The following SLC2A13 variants were observed in gnomAD, a reference collection of about 807,000 sequenced individuals.
SLC2A13 encodes proton myo-inositol cotransporter.
In SLC2A13, 32 loss-of-function variants were observed where a neutral mutation model predicts 64.4. The ratio of observed to expected loss-of-function variants is 0.50; its 90% CI spans 0.37 to 0.67. The LOEUF is 0.67. Among genes scored for constraint, SLC2A13 ranks in the 30% least tolerant of loss-of-function variants. The pLI is 0.00. For synonymous variants in SLC2A13, 338 were observed against 327.1 expected (o/e 1.03, Z -0.36); for missense variants, 743 against 829.2 (o/e 0.90, Z 1.28).
At chr12:39,896,330 A>G (rs187914880) in intron 4 of SLC2A13, among the ~76,000 whole-genome samples, 7 of 141,310 alleles carry the variant, frequency 5.0e-5, no homozygotes, top group South Asian at 2.2e-4. Context: ...GTATATGTGT[A>G]TATATGTATA....
intron 7 of SLC2A13, among the ~76,000 whole-genome samples, chr12:39,780,239 TAC>T (rs1198342197): frequency 6.6e-6 from 1 of 152,214 alleles, no homozygotes; most frequent in African/African-American, 2.4e-5. Flanking sequence ...TCCCCAAGAT[TAC>T]ACAGTGACAG....
At position 40,019,489 on chromosome 12, in the gene SLC2A13, T is replaced by G. The variant is rs575404422; in HGVS notation, c.925+8812A>C. Among the ~76,000 whole-genome samples, 33 of 152,300 alleles carry G rather than the reference T, an allele frequency of 2.2e-4. No homozygotes were observed. In the South Asian group the frequency reaches 5.0e-3, roughly 23 times the overall value. On this transcript the variant is annotated intron_variant, in intron 3 of 9. Transcript: ENST00000280871. ...GGGGCCCAGATCCCGCCTCCTTCACTTCCTAGCTGTTTGCCCTTGCCAGCA... is the reference window on the plus strand; with the variant it reads ...GGGGCCCAGATCCCGCCTCCTTCACGTCCTAGCTGTTTGCCCTTGCCAGCA...
chr12:39,953,053 T>G (rs1288856938), intron 3 of SLC2A13, among the ~76,000 whole-genome samples: 1 of 152,156 alleles, frequency 6.6e-6, no homozygotes, highest in African/African-American at 2.4e-5. Flanking sequence ...GATGAGAAAT[T>G]AGTTTTTCCT....
intron 7 of SLC2A13, among the ~76,000 whole-genome samples, chr12:39,780,069 T>C (rs1940924443): frequency 6.6e-6 from 1 of 152,244 alleles, no homozygotes; most frequent in South Asian, 2.1e-4. Context: ...TGAGTAGATG[T>C]AAATTCCTCA....
intron 3 of SLC2A13, among the ~76,000 whole-genome samples, chr12:39,983,879 C>G (rs1321731395): frequency 6.9e-6 from 1 of 143,892 alleles, no homozygotes; most frequent in Non-Finnish European, 1.5e-5. Context: ...CACATGCACA[C>G]GTATGTTTAT....
intron 3 of SLC2A13, among the ~76,000 whole-genome samples, chr12:39,970,580 G>A (rs1946629422): frequency 6.6e-6 from 1 of 151,926 alleles, no homozygotes; most frequent in African/African-American, 2.4e-5. Context: ...CTTAATGCAG[G>A]CCATCTCCAA....
chr12:39,960,462 C>A (rs1162434926), intron 3 of SLC2A13, among the ~76,000 whole-genome samples: 2 of 152,180 alleles, frequency 1.3e-5, no homozygotes, highest in Non-Finnish European at 2.9e-5. Context: ...CTCACTGCAA[C>A]CTCTGCCTTC....
chr12:39,764,754 A>G lies in SLC2A13; in HGVS notation c.1550T>C (p.Leu517Pro). 6.2e-7 allele frequency: 1 copy of G among 1,612,770 alleles called. No homozygotes were observed. Among genetic ancestry groups the G allele is most frequent in the Non-Finnish European group, 8.5e-7 (1 of 1,179,314 alleles). ...TTGTTTACCAGGTGCAAAGAAGACA[A>G]GATATAAAATAAGGCCCAGAAGTGC... ...WTALLGLILY[L>P]VFFAPGMGPM... Residue 517 changes from leucine to proline, a missense_variant, in exon 8 of 10, where the codon CTT becomes CCT. Leu to Pro is a moderately conservative substitution (Grantham distance 98). Around this residue, in one of 2 missense-constraint regions of SLC2A13, gnomAD observed 295 missense variants for 381.7 expected, o/e 0.77. Transcript: ENST00000280871.
At chr12:39,784,262 G>T (rs1271623381) in intron 7 of SLC2A13, among the ~76,000 whole-genome samples, 1 of 152,106 alleles carries the variant, frequency 6.6e-6, no homozygotes, top group African/African-American at 2.4e-5. Flanking sequence ...AGCCCGCATT[G>T]CCAAGTCAAT....
intron 3 of SLC2A13, among the ~76,000 whole-genome samples, chr12:39,955,205 T>C (rs1369343202): frequency 6.6e-6 from 1 of 152,148 alleles, no homozygotes; most frequent in East Asian, 1.9e-4. Context: ...TAGAAATCAG[T>C]AACTGAAAGA....
intron 3 of SLC2A13, among the ~76,000 whole-genome samples, chr12:39,985,930 T>C (rs1294087230): frequency 6.6e-6 from 1 of 152,176 alleles, no homozygotes; most frequent in Admixed American, 6.5e-5. Context: ...GGGGTTTATA[T>C]ACAATAAATG....
chr12:40,037,820 T>C (rs182220705), intron 2 of SLC2A13, among the ~76,000 whole-genome samples: 4 of 152,282 alleles, frequency 2.6e-5, no homozygotes, highest in Admixed American at 2.0e-4. Context: ...TGGCACCAAG[T>C]TGTTCACAGT....
chr12:39,867,965 A>G (rs1943950196), intron 5 of SLC2A13, among the ~76,000 whole-genome samples: 1 of 152,216 alleles, frequency 6.6e-6, no homozygotes, highest in Non-Finnish European at 1.5e-5. Context: ...TTTATAAAAT[A>G]AATTTTTAAG....
At chr12:40,050,353 A>C (rs900196251) in intron 1 of SLC2A13, among the ~76,000 whole-genome samples, 1 of 152,186 alleles carries the variant, frequency 6.6e-6, no homozygotes, top group African/African-American at 2.4e-5. Context: ...CTCATAAAAA[A>C]CACATAGATT....
intron 4 of SLC2A13, among the ~76,000 whole-genome samples, chr12:39,895,257 G>A (rs189410327): frequency 2.6e-5 from 4 of 151,666 alleles, no homozygotes; most frequent in East Asian, 3.9e-4. Context: ...AAAAAAGGCC[G>A]AGGCGGGCGG....
chr12:40,011,294 T>C (rs1049429851), intron 3 of SLC2A13, among the ~76,000 whole-genome samples: 2 of 152,132 alleles, frequency 1.3e-5, no homozygotes, highest in Non-Finnish European at 2.9e-5. Flanking sequence ...TCACATTCCC[T>C]GAGCTGTGAC....
chr12:39,833,218 A>G (rs7980988), intron 6 of SLC2A13, among the ~76,000 whole-genome samples: 7,653 of 152,194 alleles, frequency 0.05, 592 homozygotes, highest in African/African-American at 0.17. Context: ...TTAAGGACAG[A>G]GCTGAGAAGT....
chr12:39,972,023 TATATAA>T (rs1220900181), intron 3 of SLC2A13, among the ~76,000 whole-genome samples: 3 of 12,326 alleles, frequency 2.4e-4, no homozygotes, highest in East Asian at 4.5e-3. Flanking sequence ...TATTTTTTTT[TATATAA>T]ATATATATAT....
In SLC2A13 at chr12:39,771,388, C is replaced by T. The variant is rs79157104; in HGVS notation, c.1446-6530G>A. Among the ~76,000 whole-genome samples the T allele has an allele frequency of 3.4e-3, 521 of 152,258 alleles. 7 individuals are homozygous for T. Among genetic ancestry groups the T allele is most frequent in the African/African-American group, 0.012 (507 of 41,558 alleles). ...CCTTGCTGGTTTTGGAGAAGCAAGT[C>T]GCCATGCTGTAGGATGCCTATGCTG... is the stretch of plus-strand genomic sequence containing the variant. On this transcript the variant is annotated intron_variant, in intron 7 of 9. Transcript: ENST00000280871.
Sources: allele counts gnomAD v4.1 joint callset (sites outside exome capture counted in the v4.1 genomes callset), GRCh38; gene constraint gnomAD v4.1.1; regional missense constraint gnomAD v4.1.1; transcripts MANE v1.5; gene names NCBI Gene and HGNC (gene_info 2026-07-23, HGNC 2026-07-21).